Variants in TCF20 observed in about 807,000 individuals in gnomAD.
TCF20 encodes SPRE-binding protein.
A neutral mutation model predicts 148.6 loss-of-function variants in TCF20; 3 were observed. The observed-to-expected ratio is 0.02, with a 90% CI of 0.01 to 0.05. The LOEUF (loss-of-function observed/expected upper bound fraction) is 0.05. Among genes scored for constraint, TCF20 ranks in the 10% least tolerant of loss-of-function variants. The pLI is 1.00. For synonymous variants in TCF20, 1,049 were observed against 909.5 expected (o/e 1.15, Z -2.76); for missense variants, 2,350 against 2,429.3 (o/e 0.97, Z 0.69).
chr22:42,205,854 C>G (rs1569138239), intron 2 of TCF20, among the ~76,000 whole-genome samples: 1 of 152,202 alleles, frequency 6.6e-6, no homozygotes, highest in Non-Finnish European at 1.5e-5. Flanking sequence ...TCACTGCAAC[C>G]TCCGTCTCCT....
At chr22:42,193,288 C>CTTT (rs540026059) in intron 2 of TCF20, among the ~76,000 whole-genome samples, 2 of 141,930 alleles carry the variant, frequency 1.4e-5, no homozygotes, top group Non-Finnish European at 1.6e-5. Context: ...TCCACCTACA[C>CTTT]TTTTTTTTTT....
At chr22:42,193,775 A>C (rs1442486944) in intron 2 of TCF20, among the ~76,000 whole-genome samples, 1 of 152,208 alleles carries the variant, frequency 6.6e-6, no homozygotes, top group Non-Finnish European at 1.5e-5. Context: ...CAACTCCTAC[A>C]GATGTCTGGA....
chr22:42,269,111 C>T (rs12168969), intron 1 of TCF20, among the ~76,000 whole-genome samples: 15,837 of 152,162 alleles, frequency 0.1, 1,048 homozygotes, highest in African/African-American at 0.18. Flanking sequence ...TCTCCCAGGT[C>T]GGAATTCAGT....
In TCF20 at chr22:42,213,702, C is replaced by T. The variant is rs1921312127; in HGVS notation, c.1604G>A (p.Arg535Gln). Residue 535 changes from arginine (R) to glutamine (Q), a missense_variant, in exon 2 of 6, where the codon CGG becomes CAG. Coordinates refer to ENST00000677622, the MANE Select transcript of TCF20 (RefSeq NM_001378418.1). ...GCTGGTGCTCTGGCCACTTAGTTGCCGCACTCTCTCGCCTTGATCCTCTGA... is the reference window on the plus strand; with the variant it reads ...GCTGGTGCTCTGGCCACTTAGTTGCTGCACTCTCTCGCCTTGATCCTCTGA... Reference protein sequence around the residue: ...SSSEDQGERVRQLSGQSTSSD... With the variant: ...SSSEDQGERVQQLSGQSTSSD... 3 of 1,613,828 alleles carry T rather than the reference C, an allele frequency of 1.9e-6. No individual in the cohort carries two copies. Among genetic ancestry groups the T allele is most frequent in the African/African-American group, 1.3e-5 (1 of 74,896 alleles).
intron 5 of TCF20, among the ~76,000 whole-genome samples, chr22:42,165,268 C>T (rs1935713549): frequency 6.6e-6 from 1 of 152,230 alleles, no homozygotes; most frequent in Non-Finnish European, 1.5e-5. Context: ...GGCAGGGGGG[C>T]CACGCCCCGT....
intron 1 of TCF20, among the ~76,000 whole-genome samples, chr22:42,318,425 G>C (rs1410368122): frequency 6.6e-6 from 1 of 152,224 alleles, no homozygotes; most frequent in Non-Finnish European, 1.5e-5. Flanking sequence ...TGAGAGGAGA[G>C]GGGAGGAGGA....
At chr22:42,238,996 T>C (rs1332922980) in intron 1 of TCF20, among the ~76,000 whole-genome samples, 1 of 151,852 alleles carries the variant, frequency 6.6e-6, no homozygotes, top group Non-Finnish European at 1.5e-5. Flanking sequence ...CGGGCACCTG[T>C]AGTCCCAGCT....
intron 2 of TCF20, among the ~76,000 whole-genome samples, chr22:42,193,533 G>A (rs1937446955): frequency 6.6e-6 from 1 of 151,960 alleles, no homozygotes; most frequent in African/African-American, 2.4e-5. Flanking sequence ...TCACTTTGTT[G>A]CCCAAGCTGG....
Position 42,160,576 on chromosome 22 carries a change from C to T in TCF20, c.*827G>A, listed in dbSNP as rs961510470. On this transcript the variant is annotated 3_prime_UTR_variant, in exon 6 of 6. Transcript: ENST00000677622. ...GGGTCCTTGAGGTCCTCACCAGCCA[C>T]AGTGACCCAGGACACAGCTATGACC... 6.6e-6 allele frequency: 1 copy of T among 151,834 alleles called. No homozygotes were observed. Among genetic ancestry groups the T allele is most frequent in the Non-Finnish European group, 1.5e-5 (1 of 67,996 alleles). 9.4% of individuals were successfully genotyped at this position (151,834 alleles called of 1,614,324 possible).
chr22:42,234,976 T>TA (rs1386073560), intron 1 of TCF20, among the ~76,000 whole-genome samples: 4 of 151,348 alleles, frequency 2.6e-5, no homozygotes, highest in East Asian at 3.9e-4. Context: ...CCACCTCTAC[T>TA]AAAAAAAATA....
At chr22:42,268,830 T>G (rs1371264525) in intron 1 of TCF20, among the ~76,000 whole-genome samples, 4 of 152,214 alleles carry the variant, frequency 2.6e-5, no homozygotes, top group Non-Finnish European at 5.9e-5. Context: ...AAAAAGAGCG[T>G]ACCCTGACCA....
chr22:42,285,285 A>C (rs1927007629), upstream of TCF20, among the ~76,000 whole-genome samples: 1 of 151,802 alleles, frequency 6.6e-6, no homozygotes, highest in African/African-American at 2.4e-5. This position sits in a 1 kb window ranked among gnomAD's most constrained non-coding sequence, Gnocchi z 4.2. Context: ...GGTCCTGGTT[A>C]TCTCATTTCA....
At chr22:42,270,694 G>A (rs1229878265), upstream of TCF20, among the ~76,000 whole-genome samples, 1 of 141,968 alleles carries the variant, frequency 7.0e-6, no homozygotes, top group African/African-American at 2.5e-5. Context: ...GGGAGGCTCC[G>A]GGCCGCGGCG....
At chr22:42,242,224 A>AAAAC (rs1257094788) in intron 1 of TCF20, among the ~76,000 whole-genome samples, 219 of 147,450 alleles carry the variant, frequency 1.5e-3, no homozygotes, top group African/African-American at 5.6e-3. Context: ...AAAAAAAAAA[A>AAAAC]AAACAGAAAA....
At chr22:42,243,501 C>T (rs1300348004) in intron 1 of TCF20, among the ~76,000 whole-genome samples, 1 of 151,884 alleles carries the variant, frequency 6.6e-6, no homozygotes, top group Admixed American at 6.6e-5. Context: ...ACTCAGAAGG[C>T]TGAGGCAGGA....
At chr22:42,271,209 G>C (rs1926607053), upstream of TCF20, among the ~76,000 whole-genome samples, 1 of 152,240 alleles carries the variant, frequency 6.6e-6, no homozygotes, top group South Asian at 2.1e-4. Context: ...CCCGCCCATG[G>C]GTTCCAGGTG....
At position 42,299,621 on chromosome 22, in the gene TCF20, T is replaced by C. The variant is rs1927297275; in HGVS notation, c.-37+43858A>G. On this transcript the variant is annotated intron_variant, in intron 1 of 1. Transcript: ENST00000515426. This position sits in a 1 kb window ranked among gnomAD's most constrained non-coding sequence, Gnocchi z 4.1. ...GCCTTTCTGTCCCAGCTAGCAGCTC[T>C]CCAACCTCTGTACCTCTCCCCGAAC... Among the ~76,000 whole-genome samples, 1 of 152,132 alleles carries C rather than the reference T, an allele frequency of 6.6e-6. No homozygotes were observed. Among genetic ancestry groups the C allele is most frequent in the South Asian group, 2.1e-4 (1 of 4,822 alleles).
At chr22:42,340,391 C>A (rs73886046) in intron 1 of TCF20, among the ~76,000 whole-genome samples, 28,592 of 152,140 alleles carry the variant, frequency 0.19, 5,245 homozygotes, top group African/African-American at 0.48. Context: ...CCCGCGGTAG[C>A]CTGCACCCAG....
At chr22:42,175,699 A>G (rs1045442044) in intron 3 of TCF20, among the ~76,000 whole-genome samples, 7 of 152,168 alleles carry the variant, frequency 4.6e-5, no homozygotes, top group African/African-American at 7.2e-5. Context: ...ATGGCAGACC[A>G]TGACCCAGGG....
Sources: gnomAD v4.1 joint callset for allele counts (sites outside exome capture counted in the v4.1 genomes callset) on GRCh38, gnomAD v4.1.1 for gene constraint, Gnocchi (gnomAD v3.1) non-coding constraint, MANE v1.5 for transcripts, NCBI Gene and HGNC (gene_info 2026-07-23, HGNC 2026-07-21) for gene names.